The following NYAP2 variants were observed in gnomAD, a reference collection of about 807,000 sequenced individuals.
NYAP2 encodes neuronal tyrosine-phosphorylated phosphoinositide-3-kinase adapter 2.
A neutral mutation model predicts 50.4 loss-of-function variants in NYAP2; 23 were observed. The ratio of observed to expected loss-of-function variants is 0.46; its 90% CI spans 0.33 to 0.65. NYAP2 has a LOEUF of 0.65. Ranked by LOEUF, NYAP2 falls within the 30% of genes least tolerant of loss-of-function variation. The pLI, the probability that NYAP2 is intolerant of heterozygous loss-of-function variation, is 0.02. For synonymous variants in NYAP2, 394 were observed against 365.2 expected, an observed-to-expected ratio of 1.08 and a Z score of -0.90; for missense variants, 885 against 861.0, an observed-to-expected ratio of 1.03 and a Z score of -0.35.
chr2:225,590,777 A>G (rs1692486778), intron 5 of NYAP2, among the ~76,000 whole-genome samples: 1 of 152,238 alleles, frequency 6.6e-6, no homozygotes, highest in South Asian at 2.1e-4. Flanking sequence ...AGATCAGGGT[A>G]ACGTAGATTC....
chr2:225,663,199 T>G, the NYAP2 span, among the ~76,000 whole-genome samples: 1 of 152,126 alleles, frequency 6.6e-6, no homozygotes, highest in Non-Finnish European at 1.5e-5. Context: ...CTCCAGCATC[T>G]TTATGATTTG....
intron 3 of NYAP2, among the ~76,000 whole-genome samples, chr2:225,432,994 C>T (rs1689293491): frequency 6.6e-6 from 1 of 152,144 alleles, no homozygotes; most frequent in Non-Finnish European, 1.5e-5. Context: ...GGTCACATGA[C>T]TATGCCTAGC....
chr2:225,649,508 A>T (rs1040574588), intron 6 of NYAP2, among the ~76,000 whole-genome samples: 1 of 152,080 alleles, frequency 6.6e-6, no homozygotes, highest in African/African-American at 2.4e-5. Flanking sequence ...CTTCTAACAT[A>T]TTTCCTAATT....
At chr2:225,498,756 T>A (rs142448166) in intron 3 of NYAP2, among the ~76,000 whole-genome samples, 301 of 152,270 alleles carry the variant, frequency 2.0e-3, no homozygotes, top group African/African-American at 6.5e-3. Context: ...AGTTTGAGTG[T>A]CTGTATATAT....
intron 6 of NYAP2, among the ~76,000 whole-genome samples, chr2:225,648,877 C>T (rs527422315): frequency 1.3e-4 from 20 of 152,194 alleles, no homozygotes; most frequent in Non-Finnish European, 2.5e-4. Context: ...TGAAACCATG[C>T]GACTGCTGAT....
At position 225,455,659 on chromosome 2, in the gene NYAP2, A is replaced by G. The variant is rs142622930; in HGVS notation, c.221+46558A>G. 1.3e-3 allele frequency among the ~76,000 whole-genome samples: 196 copies of G among 152,356 alleles called. 2 individuals are homozygous for G. The highest frequency in any genetic ancestry group is 9.5e-3 in the East Asian group (49 of 5,184). On this transcript the variant is annotated intron_variant, in intron 3 of 6. Coordinates refer to ENST00000636099, the Ensembl canonical transcript of NYAP2. ...TCCTATAGCCTTTTGTTATTTTTAT[A>G]CTTTCAAATGGATGTGTTATGAAGA...
intron 3 of NYAP2, among the ~76,000 whole-genome samples, chr2:225,450,430 T>C (rs1689631242): frequency 6.6e-6 from 1 of 152,174 alleles, no homozygotes; most frequent in Admixed American, 6.6e-5. Flanking sequence ...TTGAGCTCTG[T>C]GAAATGAAAA....
chr2:225,687,776 A>C, the NYAP2 span, among the ~76,000 whole-genome samples: 1 of 152,296 alleles, frequency 6.6e-6, no homozygotes, highest in Non-Finnish European at 1.5e-5. Flanking sequence ...ATCTCAATTG[A>C]TTCTTTACTT....
intron 4 of NYAP2, among the ~76,000 whole-genome samples, chr2:225,530,232 T>C (rs1691230186): frequency 6.6e-6 from 1 of 152,136 alleles, no homozygotes; most frequent in Non-Finnish European, 1.5e-5. Flanking sequence ...ACAATGAAAT[T>C]AACTCATTTG....
chr2:225,519,647 A>C (rs546548803), intron 4 of NYAP2, among the ~76,000 whole-genome samples: 80 of 152,276 alleles, frequency 5.3e-4, no homozygotes, highest in African/African-American at 1.9e-3. Context: ...TATATGTGCC[A>C]CATTTTCTTA....
chr2:225,543,143 T>C (rs1178488745), intron 4 of NYAP2, among the ~76,000 whole-genome samples: 1 of 151,972 alleles, frequency 6.6e-6, no homozygotes, highest in East Asian at 1.9e-4. Context: ...TTTATTTGGG[T>C]CATCTCTTTT....
the NYAP2 span, among the ~76,000 whole-genome samples, chr2:225,686,188 T>A: frequency 6.6e-6 from 1 of 152,152 alleles, no homozygotes. Context: ...CATTTCCAAT[T>A]TGCTCTTTGC....
At chr2:225,498,931 G>A (rs1019232961) in intron 3 of NYAP2, among the ~76,000 whole-genome samples, 3 of 152,136 alleles carry the variant, frequency 2.0e-5, no homozygotes, top group African/African-American at 7.2e-5. Flanking sequence ...TTGGAAATGC[G>A]CAGTATTTTG....
chr2:225,409,066 T>C (rs1559172310), exon 3 of NYAP2: 2 of 1,609,618 alleles, frequency 1.2e-6, no homozygotes, highest in Non-Finnish European at 1.7e-6. Context: ...AAGAGAAGAA[T>C]GAAAAACGCC....
At chr2:225,597,516 T>TATATATATATA (rs1692624862) in intron 5 of NYAP2, among the ~76,000 whole-genome samples, 1 of 106,800 alleles carries the variant, frequency 9.4e-6, no homozygotes, top group Admixed American at 1.1e-4. Flanking sequence ...AGGAGAAATA[T>TATATATATATA]ATATATATAT....
chr2:225,622,649 G>C (rs1389658692), intron 5 of NYAP2, among the ~76,000 whole-genome samples: 1 of 148,908 alleles, frequency 6.7e-6, no homozygotes, highest in Non-Finnish European at 1.5e-5. Context: ...GCTCGATCTT[G>C]GATCACTGCA....
intron 3 of NYAP2, among the ~76,000 whole-genome samples, chr2:225,436,342 T>G (rs569329540): frequency 6.6e-6 from 1 of 152,336 alleles, no homozygotes; most frequent in Admixed American, 6.5e-5. Flanking sequence ...TGGCATTGTT[T>G]GTCCCTGGGG....
intron 4 of NYAP2, among the ~76,000 whole-genome samples, chr2:225,531,310 A>T (rs1489287175): frequency 6.6e-6 from 1 of 152,106 alleles, no homozygotes; most frequent in Non-Finnish European, 1.5e-5. Context: ...TTCTTTTCCA[A>T]GTTATTCTCT....
chr2:225,653,898 A>T (rs1693780028), exon 7 of NYAP2: 1 of 152,216 alleles, frequency 6.6e-6, no homozygotes, highest in Non-Finnish European at 1.5e-5. Context: ...GGGCGCCTGT[A>T]GTCCCAGCTA....
Sources: allele counts gnomAD v4.1 joint callset (sites outside exome capture counted in the v4.1 genomes callset), GRCh38; gene constraint gnomAD v4.1.1; transcripts MANE v1.5; gene names NCBI Gene and HGNC (gene_info 2026-07-23, HGNC 2026-07-21).